The following USP22 variants were observed in gnomAD, a reference collection of about 807,000 sequenced individuals.
The protein encoded by USP22 is ubiquitin carboxyl-terminal hydrolase 22.
USP22 carries 22 observed loss-of-function variants against 68.1 expected under a neutral mutation model. The observed-to-expected ratio is 0.32, with a 90% CI of 0.23 to 0.46. USP22 has a LOEUF of 0.46. Ranked by LOEUF, USP22 falls within the 20% of genes least tolerant of loss-of-function variation. USP22 has a pLI of 1.00. For missense variants in USP22, 433 were observed against 695.8 expected (o/e 0.62, Z 4.25); for synonymous variants, 279 against 274.2 (o/e 1.02, Z -0.17).
chr17:21,042,466 GGGAA>G (rs1249555093), intron 1 of USP22, among the ~76,000 whole-genome samples, 195 bp downstream of exon 1: 1 of 144,514 alleles, frequency 6.9e-6, no homozygotes, highest in Non-Finnish European at 1.5e-5. Context: ...GAGGAGATAA[GGGAA>G]GGGAGAGAGT....
At chr17:21,034,876 G>C (rs995709836) in intron 1 of USP22, among the ~76,000 whole-genome samples, 1 of 152,154 alleles carries the variant, frequency 6.6e-6, no homozygotes, top group African/African-American at 2.4e-5. Flanking sequence ...TCTACAGTAA[G>C]AACAAATCTA....
chr17:21,007,719 G>A, intron 9 of USP22, 151 bp downstream of exon 9: 1 of 988,432 alleles, frequency 1.0e-6, no homozygotes, highest in Non-Finnish European at 1.5e-6. Context: ...CAGATGGGAG[G>A]ACAATTCCCT....
intron 3 of USP22, among the ~76,000 whole-genome samples, chr17:21,020,294 G>A (rs931770042): frequency 1.9e-4 from 22 of 114,864 alleles, no homozygotes; most frequent in Non-Finnish European, 3.0e-4. Context: ...GGGAAGCCAA[G>A]AAGAAATAAA....
intron 2 of USP22, among the ~76,000 whole-genome samples, chr17:21,027,164 G>C (rs1490358929): frequency 6.6e-6 from 1 of 151,304 alleles, no homozygotes; most frequent in Non-Finnish European, 1.5e-5. Context: ...GTCGTGGTGT[G>C]TGCCTGTGGT....
rs183301037 is a variant in USP22, at chr17:21,023,130, G to C, written c.305-1904C>G. Among the ~76,000 whole-genome samples the C allele has an allele frequency of 1.7e-4, 26 of 152,198 alleles. 1 individual carries two copies. The highest frequency in any genetic ancestry group is 6.3e-4 in the African/African-American group (26 of 41,506). On this transcript the variant is annotated intron_variant, in intron 2 of 12. Coordinates refer to ENST00000261497, the MANE Select transcript of USP22 (RefSeq NM_015276.2). ...CTTATAAGTGGGAGCTAAACCATTA[G>C]AACACATGGACACAAGAGGAGAACA...
intron 1 of USP22, among the ~76,000 whole-genome samples, chr17:21,033,910 G>A (rs1431004201): frequency 6.6e-6 from 1 of 151,872 alleles, no homozygotes; most frequent in Non-Finnish European, 1.5e-5. Flanking sequence ...CACCATGCTC[G>A]GCTAACTTTT....
chr17:21,039,591 A>C (rs2143660109), intron 1 of USP22, among the ~76,000 whole-genome samples: 1 of 152,194 alleles, frequency 6.6e-6, no homozygotes, highest in South Asian at 2.1e-4. Flanking sequence ...ACTGCAATTC[A>C]AGCTTCTTTT....
chr17:21,041,233 C>T (rs1214218647), intron 1 of USP22, among the ~76,000 whole-genome samples: 1 of 152,138 alleles, frequency 6.6e-6, no homozygotes, highest in Non-Finnish European at 1.5e-5. Context: ...ACTCTAACTC[C>T]GATCCTGAAA....
chr17:21,043,051 T>G, upstream of USP22: 1 of 227,482 alleles, frequency 4.4e-6, no homozygotes, highest in Non-Finnish European at 8.5e-6. Flanking sequence ...GCGGACCGCC[T>G]GCGCTGCGCT....
At chr17:21,014,046 C>T (rs1914055113) in intron 6 of USP22, among the ~76,000 whole-genome samples, 1 of 152,238 alleles carries the variant, frequency 6.6e-6, no homozygotes, top group South Asian at 2.1e-4. Flanking sequence ...TGCACTCCAG[C>T]CTGGCGACAG....
At chr17:21,011,998 G>C (rs547453784) in intron 7 of USP22, among the ~76,000 whole-genome samples, 1 of 152,078 alleles carries the variant, frequency 6.6e-6, no homozygotes, top group Non-Finnish European at 1.5e-5. Flanking sequence ...ATAGAAAATG[G>C]CCCCCGTGAC....
At position 21,007,995 on chromosome 17, in the gene USP22, ATCTACAGGCGT is replaced by A; in HGVS notation, c.1104-10_1104del. On this transcript the variant is annotated splice_acceptor_variant and splice_polypyrimidine_tract_variant and coding_sequence_variant and intron_variant, in exon 9 of 13. Coordinates refer to ENST00000261497, the MANE Select transcript of USP22 (RefSeq NM_015276.2). LOFTEE classifies it high-confidence loss of function. The stretch of plus-strand genomic sequence containing the variant: ...CTGCCCAAGTGCTCTGGTCTGGTGA[ATCTACAGGCGT>A]TCAAAAAAGACAGGAGCGGTAAGGG... The A allele has an allele frequency of 6.2e-7, 1 of 1,613,664 alleles. No homozygotes were observed. The highest frequency in any genetic ancestry group is 8.5e-7 in the Non-Finnish European group (1 of 1,179,824).
intron 1 of USP22, among the ~76,000 whole-genome samples, chr17:21,041,660 G>C (rs1429946926): frequency 2.0e-5 from 3 of 152,032 alleles, no homozygotes; most frequent in Non-Finnish European, 4.4e-5. Flanking sequence ...CGAGCCTGTT[G>C]GTATTCCCAT....
At chr17:21,007,648 T>C (rs921697774) in intron 9 of USP22, among the ~76,000 whole-genome samples, 2 of 152,122 alleles carry the variant, frequency 1.3e-5, no homozygotes, top group East Asian at 1.9e-4. Flanking sequence ...AAACTCACAT[T>C]CTACTTTCAC....
Position 21,019,574 on chromosome 17 carries a change from C to T in USP22, c.419-389G>A, listed in dbSNP as rs995913340. 9.9e-5 allele frequency among the ~76,000 whole-genome samples: 15 copies of T among 152,238 alleles called. No homozygotes were observed. The East Asian group carries it at 2.5e-3, about 25-fold the overall frequency. On this transcript the variant is annotated intron_variant, in intron 3 of 12. Coordinates refer to ENST00000261497, the MANE Select transcript of USP22 (RefSeq NM_015276.2). ...AAGTGAAATTGAAGGAGAGAGCTTG[C>T]ACTTTTCAGCAAACTGAAATAGCAT...
rs1011378818 is a variant in USP22 at position 21,028,738 on chromosome 17, A to G, written c.172-64T>C. On this transcript the variant is annotated intron_variant, in intron 1 of 12. Transcript: ENST00000261497. Reference sequence around the variant, plus strand: ...TAAGACAGGGGTGCTCAGAGGAAACAGTCAAGCAAAGCATCCCCCCGAGAC... The same window carrying G: ...TAAGACAGGGGTGCTCAGAGGAAACGGTCAAGCAAAGCATCCCCCCGAGAC... 7.0e-6 allele frequency: 11 copies of G among 1,563,396 alleles called. No individual in the cohort carries two copies. The African/African-American group carries it at 1.4e-4, about 19-fold the overall frequency.
intron 7 of USP22, 148 bp downstream of exon 7, chr17:21,012,682 A>C: frequency 1.4e-6 from 1 of 713,608 alleles, no homozygotes; most frequent in South Asian, 2.0e-5. Context: ...CCCCCACCCC[A>C]CAACCTTCGC....
chr17:21,030,221 C>T (rs1243539893), intron 1 of USP22, among the ~76,000 whole-genome samples: 3 of 152,154 alleles, frequency 2.0e-5, no homozygotes, highest in Admixed American at 1.3e-4. Context: ...AGATGCTATG[C>T]AAACAGTGGT....
At chr17:21,020,865 G>A (rs1972148241) in intron 3 of USP22, among the ~76,000 whole-genome samples, 1 of 152,162 alleles carries the variant, frequency 6.6e-6, no homozygotes, top group African/African-American at 2.4e-5. Flanking sequence ...TGGGGGACCT[G>A]CAAGGGAAGC....
Sources: allele counts gnomAD v4.1 joint callset (sites outside exome capture counted in the v4.1 genomes callset), GRCh38; gene constraint gnomAD v4.1.1; transcripts MANE v1.5; gene names NCBI Gene and HGNC (gene_info 2026-07-23, HGNC 2026-07-21).